Variants in CADM2 observed in about 807,000 individuals in gnomAD.
The protein encoded by CADM2 is cell adhesion molecule 2, also known as immunoglobulin superfamily member 4D.
Under a neutral mutation model 49.8 loss-of-function variants are expected in CADM2, and 12 were observed. The observed-to-expected ratio is 0.24, with a 90% CI of 0.15 to 0.39. The LOEUF (loss-of-function observed/expected upper bound fraction) is 0.39, where lower values mean the gene tolerates loss of function less well. Ranked by LOEUF, CADM2 falls within the 10% of genes least tolerant of loss-of-function variation. The pLI, the probability that CADM2 is intolerant of heterozygous loss-of-function variation, is 1.00. For synonymous variants in CADM2, 214 were observed against 175.4 expected (o/e 1.22, Z -1.74); for missense variants, 378 against 492.3 (o/e 0.77, Z 2.20).
chr3:85,341,905 G>A (rs1165949199), intron 1 of CADM2, among the ~76,000 whole-genome samples: 5 of 151,794 alleles, frequency 3.3e-5, no homozygotes, highest in Middle Eastern at 6.8e-3. Context: ...TTATCCCCTG[G>A]AAAACAAAAA....
chr3:85,250,229 C>T (rs929679026), intron 1 of CADM2, among the ~76,000 whole-genome samples: 2 of 151,418 alleles, frequency 1.3e-5, no homozygotes, highest in Non-Finnish European at 3.0e-5. Context: ...TACAAACAGC[C>T]TCTTGTCCTT....
intron 1 of CADM2, among the ~76,000 whole-genome samples, chr3:85,612,845 G>T (rs1281759572): frequency 6.6e-6 from 1 of 151,696 alleles, no homozygotes; most frequent in African/African-American, 2.4e-5. Context: ...CAGTATATTA[G>T]TCACCTATTT....
At chr3:85,686,241 T>C (rs2066212177) in intron 1 of CADM2, among the ~76,000 whole-genome samples, 1 of 152,216 alleles carries the variant, frequency 6.6e-6, no homozygotes, top group Non-Finnish European at 1.5e-5. Context: ...TTAGGGTTTT[T>C]ATTGGGGGTT....
intron 1 of CADM2, among the ~76,000 whole-genome samples, chr3:85,408,438 G>C (rs2035501967): frequency 6.6e-6 from 1 of 152,184 alleles, no homozygotes; most frequent in African/African-American, 2.4e-5. Context: ...TGGGTATCTT[G>C]CATGAACCAG....
rs556975389 is a variant in CADM2, at chr3:85,632,036, A to T, written c.62-94486A>T. Reference sequence around the variant, plus strand: ...CTCTACAATACTTAAATGGCTTCTGATGTAGTTTGGCTCTGTGTCCCACCC... The same window carrying T: ...CTCTACAATACTTAAATGGCTTCTGTTGTAGTTTGGCTCTGTGTCCCACCC... On this transcript the variant is annotated intron_variant, in intron 1 of 9. Coordinates refer to ENST00000383699, the MANE Select transcript of CADM2 (RefSeq NM_001167675.2). Among the ~76,000 whole-genome samples the T allele has an allele frequency of 2.0e-5, 3 of 151,978 alleles. No individual in the cohort carries two copies. In the East Asian group the frequency reaches 5.8e-4, roughly 29 times the overall value.
intron 8 of CADM2, among the ~76,000 whole-genome samples, chr3:85,995,014 T>TTAAAAAAAAAAAAA (rs1464055979): frequency 2.4e-5 from 2 of 83,024 alleles, no homozygotes; most frequent in East Asian, 8.7e-4. Flanking sequence ...TTCGATTTGT[T>TTAAAAAAAAAAAAA]AAAAAAAAAA....
chr3:85,713,819 C>T (rs958740810), intron 1 of CADM2, among the ~76,000 whole-genome samples: 1 of 152,114 alleles, frequency 6.6e-6, no homozygotes, highest in East Asian at 1.9e-4. Context: ...AATTAGCATG[C>T]CTTAAATACA....
chr3:85,093,223 G>A (rs1248437771), intron 1 of CADM2, among the ~76,000 whole-genome samples: 1 of 152,060 alleles, frequency 6.6e-6, no homozygotes. Context: ...CAGATGACCA[G>A]ATAAGATATA....
chr3:85,979,406 C>A (rs1476949524), intron 8 of CADM2: 2 of 1,086,208 alleles, frequency 1.8e-6, no homozygotes, highest in Non-Finnish European at 2.6e-6. Context: ...ATTAAGTCAC[C>A]TAAATTGCTA....
At chr3:85,990,167 G>T (rs1007031796) in intron 8 of CADM2, among the ~76,000 whole-genome samples, 1 of 151,532 alleles carries the variant, frequency 6.6e-6, no homozygotes, top group African/African-American at 2.4e-5. Context: ...TTGCCTTCAC[G>T]ATGGCACAAA....
At chr3:85,447,594 C>G (rs1480536952) in intron 1 of CADM2, among the ~76,000 whole-genome samples, 1 of 152,114 alleles carries the variant, frequency 6.6e-6, no homozygotes, top group Non-Finnish European at 1.5e-5. Context: ...CTACAGCACA[C>G]GTTGTGGCTA....
intron 1 of CADM2, among the ~76,000 whole-genome samples, chr3:85,678,320 C>A (rs975450218): frequency 6.6e-6 from 1 of 152,060 alleles, no homozygotes; most frequent in Non-Finnish European, 1.5e-5. Context: ...TTTGTCATCC[C>A]ACCTTAGTAC....
intron 1 of CADM2, among the ~76,000 whole-genome samples, chr3:85,337,816 ATTTTCCTCCTATCAAG>A (rs2045130566): frequency 1.3e-5 from 2 of 151,360 alleles, no homozygotes; most frequent in African/African-American, 4.8e-5. Flanking sequence ...CTTCTTCACA[ATTTTCCTCCTATCAAG>A]ATTTCTTTGT....
At chr3:85,078,076 T>C (rs376271330) in intron 1 of CADM2, among the ~76,000 whole-genome samples, 12 of 152,176 alleles carry the variant, frequency 7.9e-5, no homozygotes, top group African/African-American at 2.6e-4. Context: ...GGAATGTATA[T>C]GGAAATATGG....
chr3:85,812,526 C>A (rs1294924225), intron 3 of CADM2, among the ~76,000 whole-genome samples: 3 of 151,944 alleles, frequency 2.0e-5, no homozygotes, highest in Non-Finnish European at 4.4e-5. Context: ...GATATTCTAA[C>A]ATTCTCTTTT....
chr3:85,031,692 A>ATT (rs896621013), intron 1 of CADM2, among the ~76,000 whole-genome samples: 1 of 148,296 alleles, frequency 6.7e-6, no homozygotes, highest in Admixed American at 6.7e-5. Context: ...TTTTTTGTGT[A>ATT]TTTTTTTTTA....
chr3:85,252,900 A>G (rs6794310), intron 1 of CADM2, among the ~76,000 whole-genome samples: 102,566 of 151,836 alleles, frequency 0.68, 35,525 homozygotes, highest in African/African-American at 0.82. Flanking sequence ...AAATTCCTAT[A>G]AAGCTTTGGA....
chr3:85,650,689 C>T (rs142230379), intron 1 of CADM2, among the ~76,000 whole-genome samples: 18 of 151,584 alleles, frequency 1.2e-4, no homozygotes, highest in Non-Finnish European at 2.2e-4. Context: ...TTTTAATAAG[C>T]CCATGAGCCC....
At chr3:85,736,756 C>A (rs1208435425) in intron 2 of CADM2, among the ~76,000 whole-genome samples, 1 of 152,092 alleles carries the variant, frequency 6.6e-6, no homozygotes, top group Middle Eastern at 3.4e-3. Context: ...AATATTCTTA[C>A]ATTCACACTT....
Sources: gnomAD v4.1 joint callset for allele counts (sites outside exome capture counted in the v4.1 genomes callset) on GRCh38, gnomAD v4.1.1 for gene constraint, MANE v1.5 for transcripts, NCBI Gene and HGNC (gene_info 2026-07-23, HGNC 2026-07-21) for gene names.